TFDP2: variants seen among roughly 807,000 people sequenced by gnomAD.
TFDP2 encodes transcription factor Dp-2 (E2F dimerization partner 2).
In TFDP2, 17 loss-of-function variants were observed where a neutral mutation model predicts 59.3. The ratio of observed to expected loss-of-function variants is 0.29; its 90% CI spans 0.20 to 0.43. The LOEUF is 0.43. Among genes scored for constraint, TFDP2 ranks in the 20% least tolerant of loss-of-function variants. The probability of loss-of-function intolerance (pLI) is 1.00; values close to 1 mark genes in which losing one functional copy is unlikely to be tolerated. For synonymous variants in TFDP2, 180 were observed against 194.7 expected (o/e 0.92, Z 0.63); for missense variants, 391 against 528.8 (o/e 0.74, Z 2.56).
intron 1 of TFDP2, among the ~76,000 whole-genome samples, chr3:142,128,316 C>G (rs888036643): frequency 2.0e-5 from 3 of 152,190 alleles, no homozygotes; most frequent in African/African-American, 7.2e-5. Flanking sequence ...TATCATCTCA[C>G]AAAAAGATTA....
At chr3:142,067,537 T>A (rs1284516368) in intron 3 of TFDP2, among the ~76,000 whole-genome samples, 2 of 152,132 alleles carry the variant, frequency 1.3e-5, no homozygotes, top group Non-Finnish European at 2.9e-5. Context: ...TATTAAGATT[T>A]CAGTTATTCT....
rs1935910620 is a variant in TFDP2, at chr3:141,951,267, C to A, written c.*1246G>T. On this transcript the variant is annotated 3_prime_UTR_variant, in exon 13 of 13. Transcript: ENST00000489671. ...GCAGGTGTCCCTACACTCTTTCATT[C>A]AGAGAAGGAGCAGCTGTGAATACAC... The A allele has an allele frequency of 6.6e-6, 1 of 152,152 alleles. No homozygotes were observed. The highest frequency in any genetic ancestry group is 1.5e-5 in the Non-Finnish European group (1 of 68,022). 9.4% of individuals were successfully genotyped at this position (152,152 alleles called of 1,614,324 possible).
intron 3 of TFDP2, among the ~76,000 whole-genome samples, chr3:142,069,206 G>A (rs539284984): frequency 5.3e-5 from 8 of 152,172 alleles, no homozygotes; most frequent in Admixed American, 1.3e-4. Context: ...GAGACACCGC[G>A]CGCGGTTTCT....
intron 5 of TFDP2, 37 bp downstream of exon 5, chr3:141,994,983 T>C: frequency 6.7e-7 from 1 of 1,488,838 alleles, no homozygotes; most frequent in South Asian, 1.5e-5. Flanking sequence ...TAAACTTTTT[T>C]TAAGGTTTTA....
chr3:142,135,771 A>G (rs528189338), intron 1 of TFDP2, among the ~76,000 whole-genome samples: 13 of 152,204 alleles, frequency 8.5e-5, no homozygotes, highest in African/African-American at 3.1e-4. Context: ...TCCATGGGGT[A>G]TATGTGCCAC....
intron 1 of TFDP2, among the ~76,000 whole-genome samples, chr3:142,115,351 C>T (rs1396259664): frequency 6.7e-6 from 1 of 149,194 alleles, no homozygotes; most frequent in Non-Finnish European, 1.5e-5. Context: ...CAGAGTCCCG[C>T]TCTCTCGCTC....
rs1943145487 is a variant in TFDP2, at chr3:141,995,107, C to T, written c.221G>A (p.Gly74Glu). The T allele has an allele frequency of 6.2e-7, 1 of 1,609,236 alleles. No individual in the cohort carries two copies. Among genetic ancestry groups the T allele is most frequent in the Admixed American group, 1.7e-5 (1 of 59,708 alleles). ...ISTPQRLTSS[G>E]SVLIGSPYTP... Reference sequence around the variant, plus strand: ...ATATGGACTCCCAATCAGAACACTTCCTGAACTGGTTAGTCTCTGTGGTGT... The same window carrying T: ...ATATGGACTCCCAATCAGAACACTTTCTGAACTGGTTAGTCTCTGTGGTGT... Residue 74 changes from glycine to glutamate, a missense_variant, in exon 5 of 13, where the codon GGA (glycine) becomes GAA (glutamate). By Grantham distance (98) the Gly-to-Glu change is moderately conservative. This residue lies in a region of TFDP2 where 162 missense variants were observed against 206.8 expected (regional missense o/e 0.78). Transcript: ENST00000489671.
chr3:141,967,540 C>T (rs1312108640), intron 9 of TFDP2, among the ~76,000 whole-genome samples: 8 of 152,050 alleles, frequency 5.3e-5, no homozygotes, highest in Non-Finnish European at 7.4e-5. Context: ...GTGATCTGCC[C>T]GTCTCCGCCT....
intron 6 of TFDP2, among the ~76,000 whole-genome samples, chr3:141,986,902 A>T (rs1399498393): frequency 6.6e-6 from 1 of 152,156 alleles, no homozygotes; most frequent in East Asian, 1.9e-4. Context: ...ATTAATGCTG[A>T]TAAGCACTTT....
At chr3:142,131,556 G>GTT (rs960638199) in intron 1 of TFDP2, among the ~76,000 whole-genome samples, 2 of 150,230 alleles carry the variant, frequency 1.3e-5, no homozygotes, top group Admixed American at 1.3e-4. Context: ...ATGTTAAATT[G>GTT]TAAGTAAATT....
chr3:142,135,472 GGTATACATGTGCCAT>G (rs1560181682), intron 1 of TFDP2, among the ~76,000 whole-genome samples: 1 of 151,784 alleles, frequency 6.6e-6, no homozygotes, highest in Admixed American at 6.6e-5. Context: ...TTGTTACACA[GGTATACATGTGCCAT>G]GTTGCTTTGC....
intron 10 of TFDP2, among the ~76,000 whole-genome samples, chr3:141,961,761 A>T (rs1186139066): frequency 1.3e-5 from 2 of 152,120 alleles, no homozygotes; most frequent in Non-Finnish European, 2.9e-5. Context: ...AGGTTAAGAA[A>T]CTTAGAAGAT....
At chr3:141,989,681 G>A (rs1942526808) in intron 6 of TFDP2, among the ~76,000 whole-genome samples, 1 of 152,024 alleles carries the variant, frequency 6.6e-6, no homozygotes, top group Admixed American at 6.6e-5. Flanking sequence ...TTCTACGCAG[G>A]TCAACTTTAA....
chr3:141,956,547 A>C (rs898335070), intron 11 of TFDP2, among the ~76,000 whole-genome samples: 1 of 150,032 alleles, frequency 6.7e-6, no homozygotes, highest in Admixed American at 6.7e-5. Context: ...GAGAGACTCC[A>C]TCTCAAAAAA....
At chr3:142,089,727 A>G (rs556898780) in intron 3 of TFDP2, among the ~76,000 whole-genome samples, 62 of 152,242 alleles carry the variant, frequency 4.1e-4, no homozygotes, top group African/African-American at 1.4e-3. Flanking sequence ...ATCATTACTC[A>G]TAAGCACAAT....
Position 141,959,580 on chromosome 3 carries a change from T to A in TFDP2, c.1051+94A>T, listed in dbSNP as rs1937109051. ...AGTTTGTCGACACAAGCACAGATGT[T>A]CTAAAATTTTGCAATTTTCTATAAG... On this transcript the variant is annotated intron_variant, in intron 11 of 12. Coordinates refer to ENST00000489671, the MANE Select transcript of TFDP2 (RefSeq NM_001178139.2). The A allele has an allele frequency of 5.1e-6, 7 of 1,378,528 alleles. No individual in the cohort carries two copies. The South Asian group carries it at 9.4e-5, about 18-fold the overall frequency. The allele number at this position is 1,378,528 out of a possible 1,614,324, so 85.4% of individuals were successfully genotyped here.
intron 3 of TFDP2, among the ~76,000 whole-genome samples, chr3:142,083,926 T>C (rs1047705059): frequency 6.6e-6 from 1 of 152,142 alleles, no homozygotes; most frequent in Non-Finnish European, 1.5e-5. Context: ...GGGGAAAATC[T>C]CCAGGACATT....
chr3:141,958,459 T>C (rs563987895), intron 11 of TFDP2, among the ~76,000 whole-genome samples: 1 of 152,154 alleles, frequency 6.6e-6, no homozygotes, highest in Non-Finnish European at 1.5e-5. Context: ...ATACATTATT[T>C]CCAGTTTACC....
intron 3 of TFDP2, among the ~76,000 whole-genome samples, chr3:142,065,768 C>G (rs1400277897): frequency 1.3e-5 from 2 of 151,144 alleles, no homozygotes. Context: ...CTGCCTCGGC[C>G]TCTCAAAGCG....
Sources: gnomAD v4.1 joint callset for allele counts (sites outside exome capture counted in the v4.1 genomes callset) on GRCh38, gnomAD v4.1.1 for gene constraint, gnomAD v4.1.1 regional missense constraint, MANE v1.5 for transcripts, NCBI Gene and HGNC (gene_info 2026-07-23, HGNC 2026-07-21) for gene names.